The following ST3GAL2 variants were observed in gnomAD, a reference collection of about 807,000 sequenced individuals.
ST3GAL2 encodes the protein ST3 beta-galactoside alpha-2,3-sialyltransferase 2.
Under a neutral mutation model 37.5 loss-of-function variants are expected in ST3GAL2, and 16 were observed. The ratio of observed to expected loss-of-function variants is 0.43; its 90% CI spans 0.29 to 0.65. The LOEUF is 0.65. ST3GAL2 is among the 30% of genes least tolerant of loss of function. The pLI is 0.17. For missense variants in ST3GAL2, 383 were observed against 487.8 expected, an observed-to-expected ratio of 0.79 and a Z score of 2.02; for synonymous variants, 238 against 202.9, an observed-to-expected ratio of 1.17 and a Z score of -1.47.
At chr16:70,391,403 C>CT (rs2047481271) in intron 3 of ST3GAL2, among the ~76,000 whole-genome samples, 1 of 152,206 alleles carries the variant, frequency 6.6e-6, no homozygotes, top group Admixed American at 6.5e-5. Context: ...AATTCATGTC[C>CT]TTCAGTGAAC....
intron 2 of ST3GAL2, among the ~76,000 whole-genome samples, chr16:70,395,465 C>T (rs1203480540): frequency 6.6e-6 from 1 of 152,204 alleles, no homozygotes; most frequent in African/African-American, 2.4e-5. Flanking sequence ...GATCAAGGTG[C>T]CTTTCACACA....
At chr16:70,383,325 T>G (rs1597553708) in intron 4 of ST3GAL2, 90 bp from the exon 5 acceptor site, 1 of 1,306,404 alleles carries the variant, frequency 7.7e-7, no homozygotes, top group Admixed American at 2.4e-5. Context: ...CTGAGGCAGG[T>G]GGATCACCTG....
At chr16:70,389,997 A>G (rs1006311809) in intron 3 of ST3GAL2, among the ~76,000 whole-genome samples, 1 of 151,452 alleles carries the variant, frequency 6.6e-6, no homozygotes, top group Non-Finnish European at 1.5e-5. Context: ...CGTGTTAGCC[A>G]GGATAGTCTG....
intron 1 of ST3GAL2, among the ~76,000 whole-genome samples, chr16:70,428,348 G>A (rs2047765457): frequency 6.6e-6 from 1 of 152,260 alleles, no homozygotes; most frequent in Non-Finnish European, 1.5e-5. Context: ...TATCTGTGGG[G>A]CCAGCTAAGA....
At chr16:70,426,200 T>G (rs796315009) in intron 1 of ST3GAL2, among the ~76,000 whole-genome samples, 7,113 of 136,358 alleles carry the variant, frequency 0.052, 392 homozygotes, top group African/African-American at 0.2. Flanking sequence ...TTTTTTTTTT[T>G]TTTTTGTTTT....
intron 1 of ST3GAL2, among the ~76,000 whole-genome samples, chr16:70,427,413 A>G (rs927244264): frequency 1.1e-4 from 16 of 145,234 alleles, no homozygotes; most frequent in Non-Finnish European, 2.4e-4. Context: ...ATCTCGGCTC[A>G]CTGCAACCTC....
At chr16:70,405,000 TC>T (rs1334037185) in intron 1 of ST3GAL2, among the ~76,000 whole-genome samples, 1 of 143,590 alleles carries the variant, frequency 7.0e-6, no homozygotes, top group Non-Finnish European at 1.5e-5. Flanking sequence ...ACCACTGCAC[TC>T]CAGCCTGGCG....
intron 1 of ST3GAL2, among the ~76,000 whole-genome samples, chr16:70,415,590 T>A (rs180747754): frequency 2.6e-5 from 4 of 151,864 alleles, no homozygotes; most frequent in Admixed American, 2.6e-4. Context: ...TAGCTGGGAC[T>A]ACCGGAGTGT....
chr16:70,397,043 CTT>C lies in ST3GAL2; in HGVS notation c.339+1147_339+1148del, dbSNP rs35885469. 1.8e-4 allele frequency among the ~76,000 whole-genome samples: 24 copies of C among 130,264 alleles called. No individual in the cohort carries two copies. In the South Asian group the frequency reaches 3.6e-3, roughly 19 times the overall value. 85.5% of individuals were successfully genotyped at this position (130,264 alleles called of 152,430 possible). A position where few individuals can be genotyped will look rare whatever the true frequency, so the allele number is the denominator to read the frequency against. On this transcript the variant is annotated intron_variant, in intron 2 of 6. Coordinates refer to ENST00000342907, the MANE Select transcript of ST3GAL2 (RefSeq NM_006927.4). ...GTCCCTGCACGGCTTTCTTTTCTTT[CTT>C]TTTTTTTTTTTTTTGAGACGGAGTC...
At chr16:70,414,185 A>G (rs542369396) in intron 1 of ST3GAL2, among the ~76,000 whole-genome samples, 2 of 152,214 alleles carry the variant, frequency 1.3e-5, no homozygotes, top group Non-Finnish European at 2.9e-5. Context: ...TGCCAATACT[A>G]ATCTCTTGGG....
intron 1 of ST3GAL2, among the ~76,000 whole-genome samples, chr16:70,430,639 C>A (rs531232343): frequency 6.6e-6 from 1 of 152,194 alleles, no homozygotes; most frequent in Non-Finnish European, 1.5e-5. Context: ...ACCAGCCAAA[C>A]ACTAAACAGG....
chr16:70,393,202 C>G (rs985955420), intron 3 of ST3GAL2, among the ~76,000 whole-genome samples: 2 of 151,944 alleles, frequency 1.3e-5, no homozygotes, highest in Non-Finnish European at 2.9e-5. Context: ...CTCAGCCTCC[C>G]GAGTAGCTGG....
intron 1 of ST3GAL2, among the ~76,000 whole-genome samples, chr16:70,417,879 C>A (rs1416239292): frequency 1.3e-5 from 2 of 152,168 alleles, no homozygotes; most frequent in East Asian, 3.9e-4. Flanking sequence ...TCCAGGGGGC[C>A]ATTAAACTGG....
In ST3GAL2 at chr16:70,376,313, G is replaced by A. The variant is rs1242357906; in HGVS notation, c.*5376C>T. On this transcript the variant is annotated 3_prime_UTR_variant, in exon 7 of 7. Coordinates refer to ENST00000342907, the MANE Select transcript of ST3GAL2 (RefSeq NM_006927.4). ...TTTTATAGCAAGGCCGGATGGAACTGGGCGCCCTGAGTGCAGATGCCATAT... is the reference window on the plus strand; with the variant it reads ...TTTTATAGCAAGGCCGGATGGAACTAGGCGCCCTGAGTGCAGATGCCATAT... 1.3e-5 allele frequency: 2 copies of A among 152,258 alleles called. No individual in the cohort carries two copies. The highest frequency in any genetic ancestry group is 2.1e-4 in the South Asian group (1 of 4,834). 9.4% of individuals were successfully genotyped at this position (152,258 alleles called of 1,614,324 possible).
chr16:70,433,686 G>T (rs1203578519), intron 1 of ST3GAL2, among the ~76,000 whole-genome samples: 1 of 152,156 alleles, frequency 6.6e-6, no homozygotes, highest in African/African-American at 2.4e-5. Flanking sequence ...CTGGCCTTTG[G>T]TTCCTGCTGC....
At chr16:70,384,687 C>A (rs1280340995) in intron 4 of ST3GAL2, among the ~76,000 whole-genome samples, 3 of 113,692 alleles carry the variant, frequency 2.6e-5, no homozygotes, top group African/African-American at 3.5e-5. Context: ...AGCCTGGCGA[C>A]AGAGCGAAAC....
Position 70,379,168 on chromosome 16 carries a change from T to A in ST3GAL2, c.*2521A>T, listed in dbSNP as rs1323080426. On this transcript the variant is annotated 3_prime_UTR_variant, in exon 7 of 7. Coordinates refer to ENST00000342907, the MANE Select transcript of ST3GAL2 (RefSeq NM_006927.4). ...CCCAAATGTATCGGAGCCTGATGGATACCTGGAGACATCATGTTGACAGAG... is the reference window on the plus strand; with the variant it reads ...CCCAAATGTATCGGAGCCTGATGGAAACCTGGAGACATCATGTTGACAGAG... 1 of 152,108 alleles carries A rather than the reference T, an allele frequency of 6.6e-6. No homozygotes were observed. 9.4% of individuals were successfully genotyped at this position (152,108 alleles called of 1,614,324 possible).
intron 1 of ST3GAL2, among the ~76,000 whole-genome samples, chr16:70,407,666 C>A (rs140406447): frequency 6.6e-6 from 1 of 152,134 alleles, no homozygotes; most frequent in Non-Finnish European, 1.5e-5. Context: ...GTACAAGGAA[C>A]CTCAAAGGAG....
In ST3GAL2 at chr16:70,411,136, G is replaced by C. The variant is rs946612752; in HGVS notation, c.-1003-11603C>G. Among the ~76,000 whole-genome samples, 4 of 152,260 alleles carry C rather than the reference G, an allele frequency of 2.6e-5. No individual in the cohort carries two copies. In the East Asian group the frequency reaches 7.7e-4, roughly 29 times the overall value. ...GCAGTGGCTCACAACTGTAATCCCA[G>C]CGCTTTGGGAGACTGAGGCAGGCAG... is the stretch of plus-strand genomic sequence containing the variant. On this transcript the variant is annotated intron_variant, in intron 1 of 6. Coordinates refer to ENST00000342907, the MANE Select transcript of ST3GAL2 (RefSeq NM_006927.4).
Sources: gnomAD v4.1 joint callset for allele counts (sites outside exome capture counted in the v4.1 genomes callset) on GRCh38, gnomAD v4.1.1 for gene constraint, MANE v1.5 for transcripts, NCBI Gene and HGNC (gene_info 2026-07-23, HGNC 2026-07-21) for gene names.